POLA1: variants seen among roughly 807,000 people sequenced by gnomAD.
POLA1 encodes the protein DNA polymerase alpha 1, catalytic subunit, also known as DNA polymerase alpha catalytic subunit.
POLA1 carries 15 observed loss-of-function variants against 124.0 expected under a neutral mutation model. That is an observed-to-expected ratio of 0.12 (90% CI 0.08 to 0.19). The LOEUF (loss-of-function observed/expected upper bound fraction) is 0.19, where lower values mean the gene tolerates loss of function less well. Ranked by LOEUF, POLA1 falls within the 10% of genes least tolerant of loss-of-function variation. The probability of loss-of-function intolerance (pLI) is 1.00; values close to 1 mark genes in which losing one functional copy is unlikely to be tolerated. For missense variants in POLA1, 886 were observed against 1,103.4 expected (o/e 0.80, Z 2.79); for synonymous variants, 408 against 389.4 (o/e 1.05, Z -0.56).
At chrX:24,723,869 C>G (rs1412245816) in intron 11 of POLA1, among the ~76,000 whole-genome samples, 1 of 112,142 alleles carries the variant, frequency 8.9e-6, no homozygotes, top group Admixed American at 9.4e-5. Flanking sequence ...TTAGTAGATA[C>G]AGGGTTTCAC....
Position 24,861,457 on chromosome X carries a change from ACT to A in POLA1, c.4047+17785_4047+17786del, listed in dbSNP as rs766426235. On this transcript the variant is annotated intron_variant, in intron 34 of 36. Coordinates refer to ENST00000379068, the MANE Select transcript of POLA1 (RefSeq NM_001330360.2). ...AACACTCAGTTTTATGTGAAGTCAC[ACT>A]CTCTAGAAGGATCTGAATTCCATTT... Among the ~76,000 whole-genome samples, 4 of 112,581 alleles carry A rather than the reference ACT, an allele frequency of 3.6e-5. No individual in the cohort carries two copies. In the South Asian group the frequency reaches 1.1e-3, roughly 31 times the overall value.
Position 24,826,465 on chromosome X carries a change from G to C in POLA1, c.3600G>C (p.Ala1200=), listed in dbSNP as rs748084569. Residue 1200 remains alanine (A), a synonymous_variant, in exon 32 of 37, where the codon GCG becomes GCC. Transcript: ENST00000379068. ...TCACTGCAAGTCAGAGGGCCTATGC[G>C]CCTGAGCAGCTGCAGAAACAGGATA... ...SNLTASQRAY[A]PEQLQKQDNL... 1 of 1,204,299 alleles carries C rather than the reference G, an allele frequency of 8.3e-7. No individual in the cohort carries two copies. Among genetic ancestry groups the C allele is most frequent in the Non-Finnish European group, 1.1e-6 (1 of 891,173 alleles).
At chrX:24,846,510 T>G (rs2147071146) in intron 34 of POLA1, among the ~76,000 whole-genome samples, 1 of 111,734 alleles carries the variant, frequency 8.9e-6, no homozygotes, top group South Asian at 3.8e-4. Flanking sequence ...AAAATTGAAC[T>G]GGTATTTTTT....
At chrX:24,778,928 CAAAT>C (rs766066841) in intron 26 of POLA1, among the ~76,000 whole-genome samples, 6 of 111,815 alleles carry the variant, frequency 5.4e-5, no homozygotes, top group Admixed American at 2.8e-4. Flanking sequence ...AGGATTTAAA[CAAAT>C]AACATTTATA....
chrX:24,982,643 T>G (rs1373201805), intron 36 of POLA1, among the ~76,000 whole-genome samples: 2 of 111,079 alleles, frequency 1.8e-5, no homozygotes, highest in African/African-American at 6.5e-5. Flanking sequence ...GCAAGATTAC[T>G]GTTTTCTTCT....
At chrX:24,913,844 A>G (rs989547051) in intron 35 of POLA1, among the ~76,000 whole-genome samples, 9 of 110,104 alleles carry the variant, frequency 8.2e-5, no homozygotes, top group African/African-American at 2.3e-4. Context: ...CGTGGCCAAC[A>G]TAGCAAAACC....
At chrX:24,922,250 T>A (rs947036273) in intron 35 of POLA1, among the ~76,000 whole-genome samples, 3 of 108,467 alleles carry the variant, frequency 2.8e-5, no homozygotes, top group Non-Finnish European at 5.7e-5. Flanking sequence ...AGTTTATTTT[T>A]TTTTTTTTGT....
chrX:24,941,353 T>C lies in POLA1; in HGVS notation c.4261+10804T>C, dbSNP rs1048839875. 3.6e-5 allele frequency among the ~76,000 whole-genome samples: 4 copies of C among 112,303 alleles called. No individual in the cohort carries two copies. The Admixed American group carries it at 3.8e-4, about 11-fold the overall frequency. Reference sequence around the variant, plus strand: ...TTGAAGCTGACATTTAAACTGACATTGTTGTGTTTTGTTTTGCTTTGCTTT... The same window carrying C: ...TTGAAGCTGACATTTAAACTGACATCGTTGTGTTTTGTTTTGCTTTGCTTT... On this transcript the variant is annotated intron_variant, in intron 36 of 36. Transcript: ENST00000379068.
intron 36 of POLA1, among the ~76,000 whole-genome samples, chrX:24,971,716 G>C (rs1281165913): frequency 9.0e-6 from 1 of 111,489 alleles, no homozygotes; most frequent in Non-Finnish European, 1.9e-5. Context: ...CTGGCTGGCT[G>C]TTTTTATATT....
chrX:24,855,768 G>A (rs912652784), intron 34 of POLA1, among the ~76,000 whole-genome samples: 4 of 111,107 alleles, frequency 3.6e-5, no homozygotes, highest in Non-Finnish European at 7.5e-5. Context: ...GGGGTGGGGG[G>A]CAGTGTTCCA....
chrX:24,880,321 CAATTTT>C (rs1291309385), intron 34 of POLA1, among the ~76,000 whole-genome samples: 2 of 112,121 alleles, frequency 1.8e-5, no homozygotes, highest in Non-Finnish European at 3.8e-5. Context: ...CTTAAAAAAT[CAATTTT>C]AATAATATTT....
chrX:24,803,437 T>C (rs1238409161), intron 26 of POLA1, among the ~76,000 whole-genome samples: 2 of 111,072 alleles, frequency 1.8e-5, no homozygotes, highest in Non-Finnish European at 3.8e-5. Flanking sequence ...AGTACTGAAG[T>C]TGAGAAATCT....
chrX:24,910,467 T>A (rs768670197), intron 35 of POLA1, among the ~76,000 whole-genome samples: 1 of 111,682 alleles, frequency 9.0e-6, no homozygotes, highest in East Asian at 2.8e-4. Context: ...TTGAATTTTG[T>A]CAAAGGCCTT....
intron 34 of POLA1, among the ~76,000 whole-genome samples, chrX:24,852,438 G>A (rs1314384716): frequency 1.8e-5 from 2 of 110,456 alleles, no homozygotes; most frequent in African/African-American, 6.6e-5. Flanking sequence ...AGCCTCCCAA[G>A]TAGCTAGGAT....
chrX:24,719,097 G>C (rs1278134956), intron 10 of POLA1, among the ~76,000 whole-genome samples: 1 of 111,374 alleles, frequency 9.0e-6, no homozygotes, highest in Non-Finnish European at 1.9e-5. Flanking sequence ...TCTTTATTTA[G>C]ATCCTTTTTG....
intron 26 of POLA1, among the ~76,000 whole-genome samples, chrX:24,791,301 T>A (rs1224115290): frequency 8.9e-6 from 1 of 112,007 alleles, no homozygotes; most frequent in Non-Finnish European, 1.9e-5. Context: ...GCCCAACTGG[T>A]AGTCATCAGA....
At chrX:24,710,117 CTTTT>C (rs149907692) in intron 4 of POLA1, among the ~76,000 whole-genome samples, 3 of 101,214 alleles carry the variant, frequency 3.0e-5, no homozygotes, top group Admixed American at 1.0e-4. Context: ...TCGCCGGCGC[CTTTT>C]TTTTTTTTTT....
chrX:24,754,306 G>A (rs1413497168), intron 26 of POLA1, among the ~76,000 whole-genome samples: 1 of 108,808 alleles, frequency 9.2e-6, no homozygotes, highest in Non-Finnish European at 1.9e-5. Context: ...TGCCTAGGCT[G>A]GAGTGCAATG....
intron 34 of POLA1, among the ~76,000 whole-genome samples, chrX:24,871,876 A>G (rs918059550): frequency 1.8e-5 from 2 of 112,174 alleles, no homozygotes; most frequent in South Asian, 7.4e-4. Context: ...CAACCATTCA[A>G]TGTCCTTTAG....
Sources: gnomAD v4.1 joint callset for allele counts (sites outside exome capture counted in the v4.1 genomes callset) on GRCh38, gnomAD v4.1.1 for gene constraint, MANE v1.5 for transcripts, NCBI Gene and HGNC (gene_info 2026-07-23, HGNC 2026-07-21) for gene names.